ATG7: variants seen among roughly 807,000 people sequenced by gnomAD.
ATG7 encodes the protein ubiquitin-like modifier-activating enzyme ATG7.
In ATG7, 70 loss-of-function variants were observed where a neutral mutation model predicts 82.4. The ratio of observed to expected loss-of-function variants is 0.85; its 90% CI spans 0.70 to 1.04. ATG7 has a LOEUF of 1.04. Among genes scored for constraint, ATG7 ranks in the 50% least tolerant of loss-of-function variants. ATG7 has a pLI of 0.00. For synonymous variants in ATG7, 287 were observed against 313.0 expected (o/e 0.92, Z 0.88); for missense variants, 792 against 864.3 (o/e 0.92, Z 1.05).
intron 9 of ATG7, among the ~76,000 whole-genome samples, chr3:11,327,076 A>AG (rs1404848448): frequency 6.6e-6 from 1 of 152,120 alleles, no homozygotes; most frequent in African/African-American, 2.4e-5. Context: ...ATCTTTGCAG[A>AG]GGGGGAGTCC....
chr3:11,501,380 A>C (rs1225661584), intron 20 of ATG7, among the ~76,000 whole-genome samples: 1 of 152,252 alleles, frequency 6.6e-6, no homozygotes, highest in Non-Finnish European at 1.5e-5. Flanking sequence ...GTTAGTAGAT[A>C]CTAGCTGTTA....
chr3:11,299,504 C>T, intron 5 of ATG7, 88 bp downstream of exon 5: 2 of 1,387,864 alleles, frequency 1.4e-6, no homozygotes, highest in African/African-American at 2.8e-5. Flanking sequence ...AGGTGGACCA[C>T]AGGAGGACTA....
intron 20 of ATG7, among the ~76,000 whole-genome samples, chr3:11,485,861 A>G (rs74488174): frequency 0.75 from 114,626 of 151,874 alleles, 43,808 homozygotes; most frequent in East Asian, 0.98. Flanking sequence ...TAGATATGCG[A>G]CGTTATTTCT....
intron 20 of ATG7, among the ~76,000 whole-genome samples, chr3:11,430,459 T>G (rs1200499626): frequency 2.0e-5 from 3 of 152,334 alleles, no homozygotes; most frequent in African/African-American, 7.2e-5. Context: ...AGGTCTCCAC[T>G]TATTTATTTT....
In ATG7 at chr3:11,506,573, AAAAAAAAAAAAC is replaced by A. The variant is rs1266305333; in HGVS notation, c.2080-48237_2080-48226del. Among the ~76,000 whole-genome samples the A allele has an allele frequency of 3.4e-3, 466 of 136,560 alleles. 19 individuals carry two copies. The highest frequency in any genetic ancestry group is 0.01 in the East Asian group (47 of 4,678). 89.6% of individuals were successfully genotyped at this position (136,560 alleles called of 152,430 possible). A position where few individuals can be genotyped will look rare whatever the true frequency, so the allele number is the denominator to read the frequency against. ...TCTCTACAAAAAAAAAAAAAAAAAA[AAAAAAAAAAAAC>A]CCAAAAATTAGCTGGGAGTGGTGGC... On this transcript the variant is annotated intron_variant, in intron 20 of 20. Transcript: ENST00000693202.
intron 12 of ATG7, 120 bp downstream of exon 12, chr3:11,340,855 T>G (rs968945248): frequency 2.0e-5 from 15 of 763,838 alleles, no homozygotes; most frequent in Non-Finnish European, 3.0e-5. Flanking sequence ...CATGCTGCCG[T>G]GTGTTACTCT....
rs1007131179 is a variant in ATG7, at chr3:11,557,187, GTC to G, written c.*2346_*2347del. The G allele has an allele frequency of 1.3e-5, 2 of 152,768 alleles. No homozygotes were observed. Among genetic ancestry groups the G allele is most frequent in the African/African-American group, 4.8e-5 (2 of 41,444 alleles). 9.5% of individuals were successfully genotyped at this position (152,768 alleles called of 1,614,324 possible). Reference sequence around the variant, plus strand: ...GAGCAGCTGTGACCTCCACAGCTGTGTCTGTCATGCTTGCTTCATCTAATTTC... The same window carrying G: ...GAGCAGCTGTGACCTCCACAGCTGTGTGTCATGCTTGCTTCATCTAATTTC... On this transcript the variant is annotated 3_prime_UTR_variant, in exon 21 of 21. Coordinates refer to ENST00000693202, the MANE Select transcript of ATG7 (RefSeq NM_001349232.2).
intron 19 of ATG7, among the ~76,000 whole-genome samples, chr3:11,394,928 C>T (rs1187136370): frequency 6.6e-6 from 1 of 152,050 alleles, no homozygotes; most frequent in African/African-American, 2.4e-5. Flanking sequence ...TGAGAGTTGG[C>T]AGAAGCAAAG....
intron 20 of ATG7, among the ~76,000 whole-genome samples, chr3:11,521,996 C>T (rs952606115): frequency 8.5e-5 from 13 of 152,166 alleles, no homozygotes; most frequent in African/African-American, 2.9e-4. Context: ...GCAGTCCTGA[C>T]GTAGCTACCA....
chr3:11,562,122 TC>T (rs2073075587), downstream of ATG7, among the ~76,000 whole-genome samples: 1 of 151,854 alleles, frequency 6.6e-6, no homozygotes, highest in East Asian at 1.9e-4. Flanking sequence ...GGTCTCGAAA[TC>T]CTGGCCTCAA....
intron 1 of ATG7, among the ~76,000 whole-genome samples, chr3:11,280,596 T>G (rs1259831012): frequency 1.3e-5 from 2 of 152,252 alleles, no homozygotes; most frequent in African/African-American, 4.8e-5. Context: ...CTTGTTAAAA[T>G]AGGCCTGCCA....
intron 20 of ATG7, among the ~76,000 whole-genome samples, chr3:11,524,374 A>T (rs2124935638): frequency 6.6e-6 from 1 of 152,384 alleles, no homozygotes; most frequent in Middle Eastern, 3.4e-3. Flanking sequence ...AATATTACAG[A>T]AATACACAAG....
intron 9 of ATG7, among the ~76,000 whole-genome samples, chr3:11,325,041 T>C (rs1415056435): frequency 6.6e-6 from 1 of 152,234 alleles, no homozygotes; most frequent in African/African-American, 2.4e-5. Context: ...TACCATTGTG[T>C]TACAGTTACC....
At chr3:11,467,331 C>T (rs1399839489) in intron 20 of ATG7, among the ~76,000 whole-genome samples, 4 of 152,154 alleles carry the variant, frequency 2.6e-5, no homozygotes, top group African/African-American at 9.7e-5. Flanking sequence ...TCTCATTTTC[C>T]TAATCCGTAA....
intron 20 of ATG7, among the ~76,000 whole-genome samples, chr3:11,484,810 T>TG (rs757927971): frequency 1.4e-4 from 21 of 152,148 alleles, no homozygotes; most frequent in Non-Finnish European, 2.8e-4. Flanking sequence ...TTTTTGTTCT[T>TG]GCGATAGTTT....
At chr3:11,561,511 G>A (rs1191564229), downstream of ATG7, among the ~76,000 whole-genome samples, 3 of 152,190 alleles carry the variant, frequency 2.0e-5, no homozygotes, top group African/African-American at 7.2e-5. Flanking sequence ...GGTGGCCCGT[G>A]AGCCCTCGTG....
chr3:11,387,095 T>C (rs2078378131), intron 19 of ATG7, among the ~76,000 whole-genome samples: 1 of 152,194 alleles, frequency 6.6e-6, no homozygotes, highest in Non-Finnish European at 1.5e-5. Flanking sequence ...GGTGTTGACA[T>C]CAGAAATAAG....
chr3:11,391,966 G>A (rs1010550529), intron 19 of ATG7, among the ~76,000 whole-genome samples: 1 of 138,366 alleles, frequency 7.2e-6, no homozygotes, highest in South Asian at 2.5e-4. Context: ...ATTGGGGGGG[G>A]GGTAATTTCA....
Position 11,407,407 on chromosome 3 carries a change from C to T in ATG7, c.1957-19397C>T, listed in dbSNP as rs546181846. 1.5e-4 allele frequency among the ~76,000 whole-genome samples: 23 copies of T among 152,320 alleles called. No individual in the cohort carries two copies. In the South Asian group the frequency reaches 3.5e-3, roughly 23 times the overall value. On this transcript the variant is annotated intron_variant, in intron 19 of 20. Coordinates refer to ENST00000693202, the MANE Select transcript of ATG7 (RefSeq NM_001349232.2). The stretch of plus-strand genomic sequence containing the variant: ...ACAGACTGGCGTTGAGTGTCTGGCT[C>T]TTCCAGGCACACAGCACAGTTGTCA...
Sources: gnomAD v4.1 joint callset for allele counts (sites outside exome capture counted in the v4.1 genomes callset) on GRCh38, gnomAD v4.1.1 for gene constraint, MANE v1.5 for transcripts, NCBI Gene and HGNC (gene_info 2026-07-23, HGNC 2026-07-21) for gene names.